The following KCNN2 variants were observed in gnomAD, a reference collection of about 807,000 sequenced individuals.
KCNN2 encodes the protein small conductance calcium-activated potassium channel protein 2.
KCNN2 carries 24 observed loss-of-function variants against 55.5 expected under a neutral mutation model. The observed-to-expected ratio is 0.43, with a 90% CI of 0.31 to 0.61. The LOEUF (loss-of-function observed/expected upper bound fraction) is 0.61. KCNN2 is among the 20% of genes least tolerant of loss of function. The pLI is 0.08. For missense variants in KCNN2, 754 were observed against 853.6 expected, an observed-to-expected ratio of 0.88 and a Z score of 1.45; for synonymous variants, 431 against 336.1, an observed-to-expected ratio of 1.28 and a Z score of -3.09.
intron 2 of KCNN2, among the ~76,000 whole-genome samples, chr5:114,241,412 C>G (rs984799372): frequency 2.0e-5 from 3 of 151,620 alleles, no homozygotes; most frequent in African/African-American, 7.3e-5. Flanking sequence ...TACCAAGTTG[C>G]TATAATCAAA....
At chr5:114,207,673 G>T (rs1413373656) in intron 1 of KCNN2, among the ~76,000 whole-genome samples, 1 of 152,094 alleles carries the variant, frequency 6.6e-6, no homozygotes, top group Non-Finnish European at 1.5e-5. Flanking sequence ...CTAATACACT[G>T]CATCTGTCTC....
At chr5:114,447,786 G>A (rs1760479324) in intron 3 of KCNN2, among the ~76,000 whole-genome samples, 1 of 152,186 alleles carries the variant, frequency 6.6e-6, no homozygotes, top group Admixed American at 6.5e-5. Flanking sequence ...GTATTTTGAT[G>A]AGCTGAGTAT....
intron 2 of KCNN2, among the ~76,000 whole-genome samples, chr5:114,275,539 A>T (rs978965771): frequency 5.3e-5 from 8 of 152,216 alleles, no homozygotes; most frequent in African/African-American, 1.9e-4. Context: ...TCAGAGATTC[A>T]ACTTCTTCCT....
chr5:114,339,016 C>T (rs1756972048), intron 2 of KCNN2, among the ~76,000 whole-genome samples: 2 of 152,228 alleles, frequency 1.3e-5, no homozygotes, highest in Non-Finnish European at 2.9e-5. Flanking sequence ...ATTATGCGGT[C>T]AGTCATTGGT....
intron 1 of KCNN2, among the ~76,000 whole-genome samples, chr5:114,142,421 G>C (rs887480537): frequency 1.4e-4 from 22 of 152,198 alleles, no homozygotes; most frequent in Non-Finnish European, 2.5e-4. Context: ...TTGTCAGGAA[G>C]TCAAATTGTC....
intron 1 of KCNN2, among the ~76,000 whole-genome samples, chr5:114,166,458 T>A (rs1404315727): frequency 6.6e-6 from 1 of 152,162 alleles, no homozygotes; most frequent in African/African-American, 2.4e-5. Flanking sequence ...TCTGGCCAAT[T>A]GTGTTTTTCA....
intron 2 of KCNN2, among the ~76,000 whole-genome samples, chr5:114,309,654 A>T (rs17136500): frequency 0.01 from 1,574 of 152,304 alleles, 17 homozygotes; most frequent in Middle Eastern, 0.017. Flanking sequence ...CCTATCATTC[A>T]TGCCAGGCTA....
At chr5:114,283,213 G>C (rs1755659397) in intron 2 of KCNN2, among the ~76,000 whole-genome samples, 1 of 151,940 alleles carries the variant, frequency 6.6e-6, no homozygotes, top group Non-Finnish European at 1.5e-5. Flanking sequence ...TTTGATGTCT[G>C]TTATCCTCTC....
intron 1 of KCNN2, among the ~76,000 whole-genome samples, chr5:114,142,960 C>T (rs186148720): frequency 5.8e-4 from 89 of 152,186 alleles, no homozygotes; most frequent in African/African-American, 9.1e-4. Flanking sequence ...ACCTGTATTG[C>T]GGGATCTGGC....
intron 1 of KCNN2, among the ~76,000 whole-genome samples, chr5:114,192,069 C>T (rs1464525826): frequency 6.6e-6 from 1 of 152,188 alleles, no homozygotes; most frequent in Admixed American, 6.5e-5. Flanking sequence ...AATCATAATG[C>T]TCTGTCTACT....
chr5:114,304,302 G>A (rs142146980), intron 2 of KCNN2, among the ~76,000 whole-genome samples: 1 of 152,158 alleles, frequency 6.6e-6, no homozygotes, highest in East Asian at 1.9e-4. Context: ...GAGGAGAGTT[G>A]GTGCAAAAAA....
At chr5:114,482,351 GC>G (rs1464316089) in intron 5 of KCNN2, among the ~76,000 whole-genome samples, 3 of 152,132 alleles carry the variant, frequency 2.0e-5, no homozygotes, top group Non-Finnish European at 4.4e-5. Flanking sequence ...CATCAGAATG[GC>G]CATTATTAAA....
Position 114,293,341 on chromosome 5 carries a change from C to A in KCNN2, c.-184-67604C>A, listed in dbSNP as rs532184098. Among the ~76,000 whole-genome samples the A allele has an allele frequency of 7.2e-5, 11 of 152,128 alleles. 1 individual carries two copies. The East Asian group carries it at 1.9e-3, about 27-fold the overall frequency. On this transcript the variant is annotated intron_variant, in intron 2 of 10. Transcript: ENST00000512097. ...TTGGCTGTGGGTTTGTCATAGATAG[C>A]TCTTATTATTTTGAGATACGTCCCA...
At chr5:114,089,346 C>T (rs1341379579) in intron 1 of KCNN2, among the ~76,000 whole-genome samples, 1 of 152,042 alleles carries the variant, frequency 6.6e-6, no homozygotes, top group African/African-American at 2.4e-5. Context: ...CGGCTTAGTC[C>T]TATTCCTAAG....
chr5:114,085,477 T>G (rs978795167), intron 1 of KCNN2, among the ~76,000 whole-genome samples: 1 of 152,066 alleles, frequency 6.6e-6, no homozygotes, highest in African/African-American at 2.4e-5. Flanking sequence ...TTTTTAACTT[T>G]AGTTTCCAAT....
At chr5:114,381,756 C>T (rs913975515) in intron 2 of KCNN2, among the ~76,000 whole-genome samples, 6 of 152,190 alleles carry the variant, frequency 3.9e-5, no homozygotes, top group African/African-American at 1.2e-4. Context: ...GTTTTTAAGC[C>T]TCCTCAAGTG....
intron 2 of KCNN2, among the ~76,000 whole-genome samples, chr5:114,296,345 C>T (rs1312477340): frequency 1.3e-5 from 2 of 152,144 alleles, no homozygotes; most frequent in Non-Finnish European, 2.9e-5. Flanking sequence ...TGTCTGAAGA[C>T]CATCCTGATG....
intron 3 of KCNN2, among the ~76,000 whole-genome samples, chr5:114,426,704 T>TTCTA (rs1759635928): frequency 1.3e-5 from 2 of 152,212 alleles, no homozygotes; most frequent in African/African-American, 4.8e-5. Flanking sequence ...TTTACTGCTG[T>TTCTA]TAGAGAATGA....
At chr5:114,237,076 G>A (rs186197906) in intron 2 of KCNN2, among the ~76,000 whole-genome samples, 1 of 152,132 alleles carries the variant, frequency 6.6e-6, no homozygotes, top group East Asian at 1.9e-4. Context: ...ACATGTGCAA[G>A]GGATTCTCTT....
Sources: gnomAD v4.1 joint callset for allele counts (sites outside exome capture counted in the v4.1 genomes callset) on GRCh38, gnomAD v4.1.1 for gene constraint, MANE v1.5 for transcripts, NCBI Gene and HGNC (gene_info 2026-07-23, HGNC 2026-07-21) for gene names.